PCDHA6: variants seen among roughly 807,000 people sequenced by gnomAD.
PCDHA6 encodes protocadherin alpha 6, also known as protocadherin alpha-6.
In PCDHA6, 55 loss-of-function variants were observed where a neutral mutation model predicts 60.3. That is an observed-to-expected ratio of 0.91 (90% CI 0.73 to 1.14). The LOEUF (loss-of-function observed/expected upper bound fraction) is 1.14, where lower values mean the gene tolerates loss of function less well. PCDHA6 is among the 50% of genes most tolerant of loss of function. The pLI, the probability that PCDHA6 is intolerant of heterozygous loss-of-function variation, is 0.00. For missense variants in PCDHA6, 1,327 were observed against 1,256.5 expected (o/e 1.06, Z -0.85); for synonymous variants, 652 against 557.9 (o/e 1.17, Z -2.38).
chr5:140,894,293 T>A (rs782004160), intron 1 of PCDHA6, among the ~76,000 whole-genome samples: 1 of 152,100 alleles, frequency 6.6e-6, no homozygotes, highest in Non-Finnish European at 1.5e-5. Context: ...TGAAGTTTAT[T>A]TTCCTGGAAA....
chr5:140,876,650 T>G lies in PCDHA6; in HGVS notation c.2394+46165T>G, dbSNP rs782068706. 4 of 1,614,162 alleles carry G rather than the reference T, an allele frequency of 2.5e-6. No individual in the cohort carries two copies. In the South Asian group the frequency reaches 4.4e-5, roughly 18 times the overall value. ...GTCATCTGCTCACTGACACCTCATG[T>G]TCCCTTCAAGCTGGTGTCCACCTAC... On this transcript the variant is annotated intron_variant, in intron 1 of 3. Transcript: ENST00000529310.
intron 3 of PCDHA6, among the ~76,000 whole-genome samples, chr5:140,988,416 A>G (rs1462025901): frequency 6.6e-6 from 1 of 152,118 alleles, no homozygotes; most frequent in Non-Finnish European, 1.5e-5. Flanking sequence ...AGCTTATGTA[A>G]AGAATTTGTT....
Position 141,011,938 on chromosome 5 carries a change from T to TA in PCDHA6, c.*2008dup, listed in dbSNP as rs1489019865. 2.6e-5 allele frequency: 4 copies of TA among 153,644 alleles called. No individual in the cohort carries two copies. The highest frequency in any genetic ancestry group is 6.5e-5 in the Admixed American group (1 of 15,278). The allele number at this position is 153,644 out of a possible 1,614,324, so 9.5% of individuals were successfully genotyped here. A position where few individuals can be genotyped will look rare whatever the true frequency, so the allele number is the denominator to read the frequency against. ...ATAAAAGAGGTAGGAGTCTGTTATT[T>TA]AAAAAAAGCATTAAATTTAAAAAAA... On this transcript the variant is annotated 3_prime_UTR_variant, in exon 4 of 4. Transcript: ENST00000529310.
At chr5:140,843,133 C>A (rs2150353566) in intron 1 of PCDHA6, 4 of 1,595,862 alleles carry the variant, frequency 2.5e-6, no homozygotes, top group African/African-American at 2.7e-5. Context: ...CGGGCTACAA[C>A]GCGTGGCTTT....
At chr5:140,837,724 T>G (rs1466080737) in intron 1 of PCDHA6, among the ~76,000 whole-genome samples, 2 of 151,672 alleles carry the variant, frequency 1.3e-5, no homozygotes, top group African/African-American at 2.4e-5. Flanking sequence ...CCCAGGCTGC[T>G]GAAATGCAGT....
chr5:141,006,426 G>A (rs2153987618), intron 3 of PCDHA6, among the ~76,000 whole-genome samples: 1 of 152,170 alleles, frequency 6.6e-6, no homozygotes, highest in Admixed American at 6.5e-5. Context: ...TGTTAGCCAG[G>A]ATGGTCTCAA....
chr5:140,869,896 A>T (rs781921753), intron 1 of PCDHA6: 7 of 1,610,768 alleles, frequency 4.3e-6, no homozygotes, highest in Non-Finnish European at 4.2e-6. Context: ...GCTCAAACTA[A>T]ACGCCACAGA....
chr5:140,857,296 G>C (rs2044488261), intron 1 of PCDHA6: 3 of 1,598,562 alleles, frequency 1.9e-6, no homozygotes, highest in Admixed American at 3.4e-5. Flanking sequence ...ACCGCGAGAG[G>C]GTGTCGGCCT....
Position 140,874,848 on chromosome 5 carries a change from T to G in PCDHA6, c.2394+44363T>G, listed in dbSNP as rs143666233. ...GAAATATTGTTTGGTATTAGACATATTTTAGTTTCTTATCCTTTGTTAAAT... is the reference window on the plus strand; with the variant it reads ...GAAATATTGTTTGGTATTAGACATAGTTTAGTTTCTTATCCTTTGTTAAAT... On this transcript the variant is annotated intron_variant, in intron 1 of 3. Transcript: ENST00000529310. Among the ~76,000 whole-genome samples the G allele has an allele frequency of 6.0e-4, 92 of 152,344 alleles. 1 individual carries two copies. The East Asian group carries it at 0.017, about 27-fold the overall frequency.
chr5:141,010,124 G>A lies in PCDHA6; in HGVS notation c.*187G>A. ...GGTTTTGTCGTAAAAGCTTTACTAAGTCTGGTGTTAACTCTTTCTCTCCAC... is the reference window on the plus strand; with the variant it reads ...GGTTTTGTCGTAAAAGCTTTACTAAATCTGGTGTTAACTCTTTCTCTCCAC... On this transcript the variant is annotated 3_prime_UTR_variant, in exon 4 of 4. Coordinates refer to ENST00000529310, the MANE Select transcript of PCDHA6 (RefSeq NM_018909.4). The A allele has an allele frequency of 1.2e-6, 2 of 1,605,172 alleles. No homozygotes were observed. The highest frequency in any genetic ancestry group is 1.7e-6 in the Non-Finnish European group (2 of 1,175,146).
intron 1 of PCDHA6, among the ~76,000 whole-genome samples, chr5:140,905,749 C>T (rs1442006265): frequency 6.6e-6 from 1 of 152,162 alleles, no homozygotes; most frequent in Non-Finnish European, 1.5e-5. Flanking sequence ...AGATCTTTCA[C>T]CTCCTTGGTT....
In PCDHA6 at chr5:140,982,553, T is replaced by A. The variant is rs782605920; in HGVS notation, c.2532T>A (p.Ser844Arg). The A allele has an allele frequency of 1.9e-5, 30 of 1,614,054 alleles. No homozygotes were observed. In the South Asian group the frequency reaches 3.2e-4, roughly 17 times the overall value. ...GPDQQWPTVS[S>R]ATPEPEAGEV... ...ATCAGCAGTGGCCAACAGTATCCAG[T>A]GCAACACCAGGTAAAGAGCTGGGGT... The change falls in exon 3 of 4, where the codon AGT (serine) becomes AGA (arginine). Residue 844 changes from serine (S) to arginine (R), a missense_variant. Transcript: ENST00000529310.
At chr5:140,974,320 CT>C (rs2096622624) in intron 1 of PCDHA6, among the ~76,000 whole-genome samples, 1 of 152,206 alleles carries the variant, frequency 6.6e-6, no homozygotes, top group Non-Finnish European at 1.5e-5. Context: ...GAGAGAGTAG[CT>C]GCTGTGCTAG....
intron 1 of PCDHA6, chr5:140,928,071 C>CTACTACAGCCTGCTG: frequency 6.2e-7 from 1 of 1,614,220 alleles, no homozygotes; most frequent in South Asian, 1.1e-5. Context: ...CCTTTGACAA[C>CTACTACAGCCTGCTG]TACTACAGCC....
At chr5:140,835,811 T>G (rs2150245385) in intron 1 of PCDHA6, 44 of 1,612,792 alleles carry the variant, frequency 2.7e-5, no homozygotes, top group African/African-American at 9.3e-5. Flanking sequence ...ACATCTTCAC[T>G]GTGTCGGCGG....
At chr5:141,001,653 G>A (rs2098030504) in intron 3 of PCDHA6, among the ~76,000 whole-genome samples, 1 of 152,182 alleles carries the variant, frequency 6.6e-6, no homozygotes, top group African/African-American at 2.4e-5. Context: ...TGTGGGAGAA[G>A]GCGGAGCTTG....
At chr5:140,902,761 G>A (rs58783050) in intron 1 of PCDHA6, among the ~76,000 whole-genome samples, 3,599 of 148,306 alleles carry the variant, frequency 0.024, 139 homozygotes, top group African/African-American at 0.083. Flanking sequence ...TCATTCTTAT[G>A]TCTTTGCATT....
At chr5:140,915,059 C>T (rs1554196724) in intron 1 of PCDHA6, among the ~76,000 whole-genome samples, 1 of 151,706 alleles carries the variant, frequency 6.6e-6, no homozygotes, top group Non-Finnish European at 1.5e-5. Flanking sequence ...GATTCTCCTG[C>T]CTTAGCCTAC....
intron 1 of PCDHA6, among the ~76,000 whole-genome samples, chr5:140,952,282 C>A (rs12187982): frequency 0.12 from 17,942 of 151,036 alleles, 1,209 homozygotes; most frequent in Middle Eastern, 0.19. Context: ...AGGGTGGTGG[C>A]CCTCTTCTCA....
Sources: allele counts gnomAD v4.1 joint callset (sites outside exome capture counted in the v4.1 genomes callset), GRCh38; gene constraint gnomAD v4.1.1; transcripts MANE v1.5; gene names NCBI Gene and HGNC (gene_info 2026-07-23, HGNC 2026-07-21).